The following ATP8B4 variants were observed in gnomAD, a reference collection of about 807,000 sequenced individuals.
The protein encoded by ATP8B4 is probable phospholipid-transporting ATPase IM.
ATP8B4 carries 133 observed loss-of-function variants against 145.6 expected under a neutral mutation model. That is an observed-to-expected ratio of 0.91 (90% confidence interval 0.79 to 1.05). The LOEUF is 1.05. ATP8B4 is among the 50% of genes least tolerant of loss of function. The probability of loss-of-function intolerance (pLI) is 0.00; values close to 1 mark genes in which losing one functional copy is unlikely to be tolerated. For missense variants in ATP8B4, 1,458 were observed against 1,425.2 expected, an observed-to-expected ratio of 1.02 and a Z score of -0.37; for synonymous variants, 507 against 492.9, an observed-to-expected ratio of 1.03 and a Z score of -0.38.
At chr15:49,863,015 C>G (rs1215810664) in intron 26 of ATP8B4, among the ~76,000 whole-genome samples, 3 of 152,206 alleles carry the variant, frequency 2.0e-5, no homozygotes, top group Non-Finnish European at 4.4e-5. Flanking sequence ...CTTGTGGACT[C>G]TTGAATTAAA....
intron 9 of ATP8B4, among the ~76,000 whole-genome samples, chr15:49,990,189 A>C (rs2153546337): frequency 6.6e-6 from 1 of 152,268 alleles, no homozygotes; most frequent in Non-Finnish European, 1.5e-5. Flanking sequence ...GAAGCAACCA[A>C]AATGAGAGCC....
At chr15:50,070,008 A>G (rs1170086027) in intron 3 of ATP8B4, among the ~76,000 whole-genome samples, 1 of 152,248 alleles carries the variant, frequency 6.6e-6, no homozygotes, top group African/African-American at 2.4e-5. Flanking sequence ...ACATTTCCAT[A>G]TATTAAAAAA....
At chr15:49,890,642 T>C (rs968680753) in intron 23 of ATP8B4, among the ~76,000 whole-genome samples, 16 of 152,214 alleles carry the variant, frequency 1.1e-4, no homozygotes, top group African/African-American at 3.9e-4. Context: ...TTCTTACAAA[T>C]ATGTTGTTTT....
At chr15:50,036,613 G>A (rs2050857145) in intron 6 of ATP8B4, among the ~76,000 whole-genome samples, 1 of 152,224 alleles carries the variant, frequency 6.6e-6, no homozygotes, top group South Asian at 2.1e-4. Flanking sequence ...ATTGGCTAAT[G>A]ATGGGATTTA....
At chr15:50,179,432 A>G (rs939339281) in intron 1 of ATP8B4, among the ~76,000 whole-genome samples, 1 of 152,148 alleles carries the variant, frequency 6.6e-6, no homozygotes, top group African/African-American at 2.4e-5. Context: ...TACAAGTACA[A>G]CTGTCTATAG....
At chr15:50,084,150 G>A (rs908653990) in intron 2 of ATP8B4, among the ~76,000 whole-genome samples, 4 of 152,264 alleles carry the variant, frequency 2.6e-5, no homozygotes, top group Non-Finnish European at 4.4e-5. Context: ...GTGATGTAAC[G>A]AAAAGGAATT....
chr15:50,043,159 G>C (rs554870675), intron 5 of ATP8B4, among the ~76,000 whole-genome samples: 59 of 152,310 alleles, frequency 3.9e-4, no homozygotes, highest in African/African-American at 1.4e-3. Flanking sequence ...TAACTCATTG[G>C]CATAGACAGT....
chr15:49,964,508 T>C (rs562267588), intron 13 of ATP8B4, among the ~76,000 whole-genome samples: 1 of 152,296 alleles, frequency 6.6e-6, no homozygotes, highest in South Asian at 2.1e-4. Flanking sequence ...TCCCAAGGCC[T>C]ACATCTGTGA....
intron 1 of ATP8B4, among the ~76,000 whole-genome samples, chr15:50,157,899 C>G (rs1027298979): frequency 6.6e-6 from 1 of 152,154 alleles, no homozygotes; most frequent in Non-Finnish European, 1.5e-5. Context: ...CGATTGCAGG[C>G]GCGTGCCGCC....
intron 23 of ATP8B4, among the ~76,000 whole-genome samples, chr15:49,884,603 CAAAAAAAAAGAAA>C (rs2035929991): frequency 3.1e-5 from 1 of 32,772 alleles, no homozygotes; most frequent in African/African-American, 1.1e-4. Flanking sequence ...ATCCTGTCTC[CAAAAAAAAAGAAA>C]AAAAAAAAAA....
At chr15:49,963,743 A>G (rs1336423738) in intron 13 of ATP8B4, among the ~76,000 whole-genome samples, 1 of 152,108 alleles carries the variant, frequency 6.6e-6, no homozygotes, top group Non-Finnish European at 1.5e-5. Flanking sequence ...TACAGCACAC[A>G]CTGGGGCCTG....
chr15:50,117,036 G>A (rs764962157), intron 1 of ATP8B4, among the ~76,000 whole-genome samples: 8 of 151,896 alleles, frequency 5.3e-5, no homozygotes, highest in Non-Finnish European at 1.2e-4. Flanking sequence ...ATTAAGTTTT[G>A]TTTTTTATTT....
Position 49,866,502 on chromosome 15 carries a change from T to C in ATP8B4, c.3028-18A>G. ...AAGGCTATCTGTAAATAAAATCAAA[T>C]GCAAACGGGAGGTCTTTGAGGATTA... On this transcript the variant is annotated intron_variant, in intron 25 of 27. Transcript: ENST00000284509. The C allele has an allele frequency of 6.2e-7, 1 of 1,612,114 alleles. No individual in the cohort carries two copies. The highest frequency in any genetic ancestry group is 8.5e-7 in the Non-Finnish European group (1 of 1,178,308).
At chr15:49,908,537 C>T (rs1324713523) in intron 20 of ATP8B4, among the ~76,000 whole-genome samples, 1 of 152,122 alleles carries the variant, frequency 6.6e-6, no homozygotes, top group Non-Finnish European at 1.5e-5. Context: ...CATAGGAGAG[C>T]CTCTCAACCC....
chr15:50,083,068 C>T (rs191655297), intron 2 of ATP8B4, among the ~76,000 whole-genome samples: 2 of 152,134 alleles, frequency 1.3e-5, no homozygotes, highest in East Asian at 3.9e-4. Flanking sequence ...GGGAAGAGCC[C>T]TCTCATCAAA....
intron 2 of ATP8B4, among the ~76,000 whole-genome samples, chr15:50,083,979 G>A (rs879412545): frequency 2.0e-5 from 3 of 152,132 alleles, no homozygotes; most frequent in Non-Finnish European, 4.4e-5. Flanking sequence ...ACAGGCCAGA[G>A]AGCCACAGCA....
intron 15 of ATP8B4, 72 bp downstream of exon 15, chr15:49,933,945 C>A: frequency 7.1e-7 from 1 of 1,414,008 alleles, no homozygotes; most frequent in Non-Finnish European, 9.3e-7. Context: ...GTAAATCCTT[C>A]AAATTTAGTG....
chr15:50,085,055 A>G (rs1275981061), intron 2 of ATP8B4, among the ~76,000 whole-genome samples: 3 of 152,136 alleles, frequency 2.0e-5, no homozygotes, highest in Non-Finnish European at 2.9e-5. Context: ...ACTCAAGGCC[A>G]TCCACTAGCT....
At chr15:49,889,300 G>T (rs745340245) in intron 23 of ATP8B4, among the ~76,000 whole-genome samples, 3 of 152,124 alleles carry the variant, frequency 2.0e-5, no homozygotes, top group Non-Finnish European at 2.9e-5. Flanking sequence ...CGAGGGACTG[G>T]ACTCAATGTC....
Sources: gnomAD v4.1 joint callset for allele counts (sites outside exome capture counted in the v4.1 genomes callset) on GRCh38, gnomAD v4.1.1 for gene constraint, MANE v1.5 for transcripts, NCBI Gene and HGNC (gene_info 2026-07-23, HGNC 2026-07-21) for gene names.